The following CRTC3 variants were observed in gnomAD, a reference collection of about 807,000 sequenced individuals.
CRTC3 encodes CREB-regulated transcription coactivator 3.
In CRTC3, 26 loss-of-function variants were observed where a neutral mutation model predicts 74.5. That is an observed-to-expected ratio of 0.35 (90% CI 0.26 to 0.48). The LOEUF (loss-of-function observed/expected upper bound fraction) is 0.48, where lower values mean the gene tolerates loss of function less well. CRTC3 is among the 20% of genes least tolerant of loss of function. CRTC3 has a pLI of 0.99. For missense variants in CRTC3, 760 were observed against 787.3 expected, an observed-to-expected ratio of 0.97 and a Z score of 0.41; for synonymous variants, 377 against 325.8, an observed-to-expected ratio of 1.16 and a Z score of -1.69.
chr15:90,562,132 A>T (rs1967024672), intron 2 of CRTC3, among the ~76,000 whole-genome samples: 1 of 152,196 alleles, frequency 6.6e-6, no homozygotes, highest in African/African-American at 2.4e-5. Flanking sequence ...TTTCTCCTGT[A>T]ACCTCTTTGG....
intron 9 of CRTC3, among the ~76,000 whole-genome samples, chr15:90,623,906 T>G (rs79627836): frequency 0.029 from 4,423 of 152,310 alleles, 228 homozygotes; most frequent in African/African-American, 0.1. Context: ...CTTTTGCGCA[T>G]GCTGTGAGCT....
intron 1 of CRTC3, among the ~76,000 whole-genome samples, chr15:90,531,746 GTGT>G (rs1455943845): frequency 1.3e-5 from 2 of 152,152 alleles, no homozygotes; most frequent in Non-Finnish European, 2.9e-5. Flanking sequence ...GTTGGGGCCT[GTGT>G]TGTTATGTGT....
At position 90,641,102 on chromosome 15, in the gene CRTC3, T is replaced by G. The variant is rs1567199354; in HGVS notation, c.1554T>G (p.Pro518=). Residue 518 remains proline, a synonymous_variant, in exon 14 of 15, where the codon CCT becomes CCG. Coordinates refer to ENST00000268184, the MANE Select transcript of CRTC3 (RefSeq NM_022769.5). ...RPGPAFPQQV[P]LVQQGSRELQ... is the part of the protein sequence containing the mutation. ...ATGACCTTCGATGCTTCCAGGTGCC[T>G]CTGGTGCAACAAGGTTCCCGAGAAC... 1.9e-6 allele frequency: 3 copies of G among 1,612,708 alleles called. No homozygotes were observed. Among genetic ancestry groups the G allele is most frequent in the Middle Eastern group, 1.6e-4 (1 of 6,062 alleles).
intron 2 of CRTC3, among the ~76,000 whole-genome samples, chr15:90,590,298 A>G (rs1967770228): frequency 6.6e-6 from 1 of 152,116 alleles, no homozygotes. Context: ...GTCTCAAAAA[A>G]ATAATAATAA....
At chr15:90,596,651 A>C (rs765949097) in intron 3 of CRTC3, among the ~76,000 whole-genome samples, 3 of 152,082 alleles carry the variant, frequency 2.0e-5, no homozygotes, top group Non-Finnish European at 4.4e-5. Flanking sequence ...AAATGGGATG[A>C]TTTTATTTTG....
At chr15:90,539,968 A>G (rs1966777030) in intron 1 of CRTC3, 71 bp from the exon 2 acceptor site, 2 of 1,057,492 alleles carry the variant, frequency 1.9e-6, no homozygotes, top group South Asian at 2.6e-5. Context: ...CCCCTACAAA[A>G]TACTATACTT....
chr15:90,629,433 C>A lies in CRTC3; in HGVS notation c.1167C>A (p.Pro389=). 1.2e-6 allele frequency: 2 copies of A among 1,614,124 alleles called. No individual in the cohort carries two copies. The highest frequency in any genetic ancestry group is 1.7e-6 in the Non-Finnish European group (2 of 1,180,012). The change falls in exon 11 of 15, where the codon CCC becomes CCA. Residue 389 remains proline (P), a synonymous_variant. Transcript: ENST00000268184. ...LSGPSRRRQP[P]VSPLTLSPGP... is the part of the protein sequence containing the mutation. ...GCCCGTCTCGGCGTCGGCAGCCTCCCGTCAGCCCTCTCACGCTTTCTCCTG... is the reference window on the plus strand; with the variant it reads ...GCCCGTCTCGGCGTCGGCAGCCTCCAGTCAGCCCTCTCACGCTTTCTCCTG...
At chr15:90,568,987 C>T (rs1038378737) in intron 2 of CRTC3, among the ~76,000 whole-genome samples, 8 of 125,918 alleles carry the variant, frequency 6.4e-5, no homozygotes, top group Admixed American at 2.7e-4. Context: ...ACAAGTATAA[C>T]GAAACTTTTT....
chr15:90,614,491 A>G lies in CRTC3; in HGVS notation c.613+3A>G. 6.2e-7 allele frequency: 1 copy of G among 1,603,778 alleles called. No individual in the cohort carries two copies. The highest frequency in any genetic ancestry group is 8.5e-7 in the Non-Finnish European group (1 of 1,170,958). ...TGAGAATAATGGACATGGGGAAGGT[A>G]TGAACTGATTTTACCTACCTATATT... On this transcript the variant is annotated splice_donor_region_variant and intron_variant, in intron 7 of 14. Transcript: ENST00000268184.
intron 2 of CRTC3, among the ~76,000 whole-genome samples, chr15:90,590,515 C>T (rs746607895): frequency 5.3e-5 from 8 of 151,896 alleles, no homozygotes; most frequent in Non-Finnish European, 1.0e-4. Flanking sequence ...ATTCTAGTGC[C>T]ACCATGCCTA....
chr15:90,541,495 G>A (rs1182612274), intron 2 of CRTC3, among the ~76,000 whole-genome samples: 7 of 152,192 alleles, frequency 4.6e-5, no homozygotes, highest in Admixed American at 1.3e-4. Flanking sequence ...AATGACAATG[G>A]ACTCTTTACC....
At chr15:90,561,212 T>C (rs1439675903) in intron 2 of CRTC3, among the ~76,000 whole-genome samples, 1 of 152,228 alleles carries the variant, frequency 6.6e-6, no homozygotes, top group African/African-American at 2.4e-5. Context: ...TGTTGTTCAA[T>C]ACATATTGCA....
rs117585928 is a variant in CRTC3, at chr15:90,531,081, G to A, written c.132+878G>A. ...GATCTGCAGATTCTGGGGGACTGAG[G>A]CGGGGGAGACAGTTTGAAGGAGAGC... On this transcript the variant is annotated intron_variant, in intron 1 of 14. Transcript: ENST00000268184. Among the ~76,000 whole-genome samples the A allele has an allele frequency of 2.0e-5, 3 of 152,108 alleles. No homozygotes were observed. In the East Asian group the frequency reaches 5.8e-4, roughly 29 times the overall value.
At position 90,630,271 on chromosome 15, in the gene CRTC3, C is replaced by T. The variant is rs1313022286; in HGVS notation, c.1266+739C>T. Among the ~76,000 whole-genome samples, 7 of 152,312 alleles carry T rather than the reference C, an allele frequency of 4.6e-5. No homozygotes were observed. The South Asian group carries it at 6.2e-4, about 14-fold the overall frequency. On this transcript the variant is annotated intron_variant, in intron 11 of 14. Transcript: ENST00000268184. ...AGCCATAGGGGAAAGCCAAAGAAAA[C>T]ATTTAATACCTTCCTGAAGCTTTGA...
At chr15:90,563,312 A>G (rs1407811356) in intron 2 of CRTC3, among the ~76,000 whole-genome samples, 1 of 152,198 alleles carries the variant, frequency 6.6e-6, no homozygotes, top group Non-Finnish European at 1.5e-5. Context: ...AGGCTGAGGC[A>G]GGAGAGTCAC....
Position 90,642,062 on chromosome 15 carries a change from A to T in CRTC3, c.1782A>T (p.Gly594=). 5 of 1,613,930 alleles carry T rather than the reference A, an allele frequency of 3.1e-6. No homozygotes were observed. Among genetic ancestry groups the T allele is most frequent in the Non-Finnish European group, 4.2e-6 (5 of 1,180,008 alleles). ...ELQIEPLSLD[G]LNMLSDSSMG... ...AGATTGAACCCCTGAGCCTGGACGG[A>T]CTCAACATGTTAAGTGACTCCAGCA... The change falls in exon 15 of 15, where the codon GGA becomes GGT. Residue 594 remains glycine (G), a synonymous_variant. Coordinates refer to ENST00000268184, the MANE Select transcript of CRTC3 (RefSeq NM_022769.5).
rs142480092 is a variant in CRTC3 at position 90,551,614 on chromosome 15, C to T, written c.231+11477C>T. Among the ~76,000 whole-genome samples, 69 of 152,144 alleles carry T rather than the reference C, an allele frequency of 4.5e-4. 1 individual carries two copies. In the East Asian group the frequency reaches 0.012, roughly 26 times the overall value. ...GCGTTCTAGGTCCCAGTTTCAGCACCGGATTAAGTCCTCACCTTCCCTTAA... is the reference window on the plus strand; with the variant it reads ...GCGTTCTAGGTCCCAGTTTCAGCACTGGATTAAGTCCTCACCTTCCCTTAA... On this transcript the variant is annotated intron_variant, in intron 2 of 14. Coordinates refer to ENST00000268184, the MANE Select transcript of CRTC3 (RefSeq NM_022769.5).
chr15:90,555,127 G>T (rs1966877611), intron 2 of CRTC3, among the ~76,000 whole-genome samples: 2 of 152,072 alleles, frequency 1.3e-5, no homozygotes, highest in Non-Finnish European at 2.9e-5. Flanking sequence ...TGGCCTTAGG[G>T]TGCTGTCATT....
chr15:90,634,745 A>G (rs1003725724), intron 11 of CRTC3: 2 of 911,818 alleles, frequency 2.2e-6, no homozygotes, highest in African/African-American at 3.3e-5. Context: ...AAGCGTGTAG[A>G]AAGTTTTTTC....
Sources: allele counts gnomAD v4.1 joint callset (sites outside exome capture counted in the v4.1 genomes callset), GRCh38; gene constraint gnomAD v4.1.1; transcripts MANE v1.5; gene names NCBI Gene and HGNC (gene_info 2026-07-23, HGNC 2026-07-21).